Variants in PRKCE observed in about 807,000 individuals in gnomAD.
PRKCE encodes the protein protein kinase C epsilon.
In PRKCE, 16 loss-of-function variants were observed where a neutral mutation model predicts 85.4. The ratio of observed to expected loss-of-function variants is 0.19; its 90% CI spans 0.13 to 0.28. PRKCE has a LOEUF of 0.28. Ranked by LOEUF, PRKCE falls within the 10% of genes least tolerant of loss-of-function variation. The probability of loss-of-function intolerance (pLI) is 1.00; values close to 1 mark genes in which losing one functional copy is unlikely to be tolerated. For synonymous variants in PRKCE, 388 were observed against 371.5 expected (o/e 1.04, Z -0.51); for missense variants, 573 against 975.2 (o/e 0.59, Z 5.49).
chr2:46,072,233 G>A (rs890531345), intron 10 of PRKCE, among the ~76,000 whole-genome samples: 1 of 152,220 alleles, frequency 6.6e-6, no homozygotes, highest in African/African-American at 2.4e-5. Flanking sequence ...CACCAGCTGT[G>A]CCACTTAAGA....
intron 2 of PRKCE, among the ~76,000 whole-genome samples, chr2:45,867,094 G>A (rs1488556460): frequency 6.6e-6 from 1 of 152,224 alleles, no homozygotes; most frequent in Non-Finnish European, 1.5e-5. Context: ...CATGTAGTCA[G>A]AGTTGAGCCT....
chr2:45,810,675 C>T (rs2105261550), intron 1 of PRKCE, among the ~76,000 whole-genome samples: 2 of 152,314 alleles, frequency 1.3e-5, no homozygotes, highest in East Asian at 3.9e-4. Context: ...CCTCCACTTC[C>T]CAGGCTCAAG....
chr2:46,142,864 C>T lies in PRKCE; in HGVS notation c.1593-2229C>T, dbSNP rs192655900. Among the ~76,000 whole-genome samples the T allele has an allele frequency of 5.4e-4, 83 of 152,350 alleles. 1 individual carries two copies. The highest frequency in any genetic ancestry group is 2.0e-3 in the African/African-American group (82 of 41,576). On this transcript the variant is annotated intron_variant, in intron 11 of 14. Coordinates refer to ENST00000306156, the MANE Select transcript of PRKCE (RefSeq NM_005400.3). ...AAGCTGGCTTGGAATCTTCTGAATC[C>T]ATTCAATTTATACAAAATTAGAAGA...
intron 2 of PRKCE, among the ~76,000 whole-genome samples, chr2:45,878,633 C>G (rs970207423): frequency 1.3e-5 from 2 of 152,186 alleles, no homozygotes; most frequent in African/African-American, 4.8e-5. Context: ...ACAATTTTTT[C>G]TAGCATTTTC....
At chr2:46,163,163 G>C (rs1047064742) in intron 14 of PRKCE, among the ~76,000 whole-genome samples, 2 of 152,280 alleles carry the variant, frequency 1.3e-5, no homozygotes, top group African/African-American at 4.8e-5. Context: ...TGCTGCATAA[G>C]CAGAGTCAGC....
chr2:46,035,259 C>T (rs1707787847), intron 10 of PRKCE, among the ~76,000 whole-genome samples: 1 of 152,246 alleles, frequency 6.6e-6, no homozygotes, highest in African/African-American at 2.4e-5. Context: ...TCTAGAGAAA[C>T]ATCAGAATTT....
In PRKCE at chr2:46,184,784, A is replaced by T; in HGVS notation, c.2117A>T (p.Glu706Val). Reference protein sequence around the residue: ...NNFDQDFTREEPVLTLVDEAI... With the variant: ...NNFDQDFTREVPVLTLVDEAI... ...TTTGACCAAGACTTTACCCGGGAAGAGCCGGTACTCACCCTTGTGGACGAA... is the reference window on the plus strand; with the variant it reads ...TTTGACCAAGACTTTACCCGGGAAGTGCCGGTACTCACCCTTGTGGACGAA... The change falls in exon 15 of 15, where the codon GAG (glutamate) becomes GTG (valine). Residue 706 changes from glutamate (E) to valine (V), a missense_variant. Physicochemically the swap from Glu to Val is moderately radical, Grantham distance 121. Around this residue, in one of 11 missense-constraint regions of PRKCE, gnomAD observed 45 missense variants for 39.1 expected, o/e 1.15. Transcript: ENST00000306156. This position sits in a 1 kb window ranked among gnomAD's most constrained non-coding sequence, Gnocchi z 5.0. The T allele has an allele frequency of 3.1e-6, 5 of 1,599,782 alleles. No individual in the cohort carries two copies. Among genetic ancestry groups the T allele is most frequent in the Non-Finnish European group, 4.2e-6 (5 of 1,179,960 alleles).
intron 10 of PRKCE, among the ~76,000 whole-genome samples, chr2:46,021,481 A>G (rs1213128403): frequency 6.6e-6 from 1 of 152,178 alleles, no homozygotes; most frequent in Non-Finnish European, 1.5e-5. Context: ...TGACGTGGCC[A>G]TTCGCTTTCC....
At position 45,751,282 on chromosome 2, in the gene PRKCE, A is replaced by G. The variant is rs924148797; in HGVS notation, c.349-91718A>G. 2.0e-5 allele frequency among the ~76,000 whole-genome samples: 3 copies of G among 152,244 alleles called. No homozygotes were observed. In the East Asian group the frequency reaches 5.8e-4, roughly 29 times the overall value. ...ACATGACCGAGATGATACACTGTAC[A>G]TAATAATATGAACTGAGATAATAAA... is the stretch of plus-strand genomic sequence containing the variant. On this transcript the variant is annotated intron_variant, in intron 1 of 14. Coordinates refer to ENST00000306156, the MANE Select transcript of PRKCE (RefSeq NM_005400.3).
At chr2:46,028,222 G>A (rs1707266851) in intron 10 of PRKCE, among the ~76,000 whole-genome samples, 2 of 152,254 alleles carry the variant, frequency 1.3e-5, no homozygotes, top group Non-Finnish European at 2.9e-5. Flanking sequence ...AATTACAGGC[G>A]TGAGCCACCG....
In PRKCE at chr2:46,051,989, C is replaced by T. The variant is rs569555561; in HGVS notation, c.1438-34219C>T. ...CATGGGGAAAACCGCCCCCATGATC[C>T]AGTCCCCTCCCACCTGGTTCCTCCA... On this transcript the variant is annotated intron_variant, in intron 10 of 14. Transcript: ENST00000306156. 2.8e-4 allele frequency among the ~76,000 whole-genome samples: 42 copies of T among 152,234 alleles called. No homozygotes were observed. In the South Asian group the frequency reaches 8.5e-3, roughly 31 times the overall value.
At chr2:45,862,951 C>G (rs981950752) in intron 2 of PRKCE, among the ~76,000 whole-genome samples, 2 of 152,210 alleles carry the variant, frequency 1.3e-5, no homozygotes, top group African/African-American at 4.8e-5. Context: ...TGAAAAACAG[C>G]CTTACTCACT....
intron 1 of PRKCE, among the ~76,000 whole-genome samples, chr2:45,787,596 G>A (rs1393178831): frequency 6.6e-6 from 1 of 152,170 alleles, no homozygotes; most frequent in African/African-American, 2.4e-5. Flanking sequence ...TCATGCTATG[G>A]AAAGCCCTTC....
At chr2:46,032,059 G>A (rs1293039212) in intron 10 of PRKCE, among the ~76,000 whole-genome samples, 1 of 152,244 alleles carries the variant, frequency 6.6e-6, no homozygotes, top group African/African-American at 2.4e-5. Context: ...TTGCGCAGTG[G>A]AAATAATACT....
intron 10 of PRKCE, among the ~76,000 whole-genome samples, chr2:46,085,843 C>A (rs1280388128): frequency 2.7e-5 from 4 of 148,108 alleles, no homozygotes; most frequent in Non-Finnish European, 5.9e-5. Context: ...GATTGTTCAA[C>A]CTACCACACA....
At chr2:45,868,748 C>T (rs1693831848) in intron 2 of PRKCE, among the ~76,000 whole-genome samples, 1 of 149,092 alleles carries the variant, frequency 6.7e-6, no homozygotes, top group Non-Finnish European at 1.5e-5. Flanking sequence ...ACCAGCCTGG[C>T]CAACATGGGG....
chr2:45,767,957 C>T (rs1685040484), intron 1 of PRKCE, among the ~76,000 whole-genome samples: 1 of 152,152 alleles, frequency 6.6e-6, no homozygotes, highest in Non-Finnish European at 1.5e-5. Flanking sequence ...GGCTTGATAC[C>T]AAGCAGAGGA....
intron 6 of PRKCE, among the ~76,000 whole-genome samples, chr2:45,986,784 C>T (rs773360446): frequency 1.3e-5 from 2 of 152,108 alleles, no homozygotes; most frequent in Non-Finnish European, 2.9e-5. Flanking sequence ...AGCTTCCCGG[C>T]ACCCCTGGAG....
intron 1 of PRKCE, among the ~76,000 whole-genome samples, chr2:45,682,864 C>A (rs184960271): frequency 6.6e-5 from 10 of 152,278 alleles, no homozygotes; most frequent in South Asian, 4.1e-4. Flanking sequence ...TGAGCCGCCA[C>A]GCCCAGCCAA....
Sources: gnomAD v4.1 joint callset for allele counts (sites outside exome capture counted in the v4.1 genomes callset) on GRCh38, gnomAD v4.1.1 for gene constraint, gnomAD v4.1.1 regional missense constraint, Gnocchi (gnomAD v3.1) non-coding constraint, MANE v1.5 for transcripts, NCBI Gene and HGNC (gene_info 2026-07-23, HGNC 2026-07-21) for gene names.